GALNT5: variants seen among roughly 807,000 people sequenced by gnomAD.
GALNT5 encodes polypeptide N-acetylgalactosaminyltransferase 5.
In GALNT5, 72 loss-of-function variants were observed where a neutral mutation model predicts 85.4. That is an observed-to-expected ratio of 0.84 (90% CI 0.70 to 1.03). The LOEUF (loss-of-function observed/expected upper bound fraction) is 1.03, where lower values mean the gene tolerates loss of function less well. Among genes scored for constraint, GALNT5 ranks in the 50% least tolerant of loss-of-function variants. The pLI, the probability that GALNT5 is intolerant of heterozygous loss-of-function variation, is 0.00. For missense variants in GALNT5, 1,137 were observed against 1,135.5 expected (o/e 1.00, Z -0.02); for synonymous variants, 404 against 397.0 (o/e 1.02, Z -0.21).
chr2:157,264,091 T>A (rs1052201961), intron 1 of GALNT5, among the ~76,000 whole-genome samples: 7 of 152,144 alleles, frequency 4.6e-5, no homozygotes, highest in African/African-American at 1.7e-4. Context: ...CCATATTTAA[T>A]CTTTTTTTAA....
At chr2:157,304,980 G>A (rs1683422795) in intron 7 of GALNT5, among the ~76,000 whole-genome samples, 1 of 152,124 alleles carries the variant, frequency 6.6e-6, no homozygotes, top group Non-Finnish European at 1.5e-5. Flanking sequence ...CCCAGGACAT[G>A]TCCTATAGAT....
In GALNT5 at chr2:157,296,523, G is replaced by T. The variant is rs1252240658; in HGVS notation, c.1997+10G>T. On this transcript the variant is annotated intron_variant, in intron 5 of 9. Coordinates refer to ENST00000259056, the MANE Select transcript of GALNT5 (RefSeq NM_014568.3). ...AAACTGATACAATAAGGTAAGTGTG[G>T]GAAATTTAAGACTAGAAAGCAGTCA... is the stretch of plus-strand genomic sequence containing the variant. 3 of 1,599,696 alleles carry T rather than the reference G, an allele frequency of 1.9e-6. No individual in the cohort carries two copies. The highest frequency in any genetic ancestry group is 2.6e-6 in the Non-Finnish European group (3 of 1,169,332).
In GALNT5 at chr2:157,313,330, T is replaced by A. The variant is rs1683617940; in HGVS notation, c.*1982T>A. 1 of 152,220 alleles carries A rather than the reference T, an allele frequency of 6.6e-6. No individual in the cohort carries two copies. Among genetic ancestry groups the A allele is most frequent in the Non-Finnish European group, 1.5e-5 (1 of 68,040 alleles). The allele number at this position is 152,220 out of a possible 1,614,324, so 9.4% of individuals were successfully genotyped here. A position where few individuals can be genotyped will look rare whatever the true frequency, so the allele number is the denominator to read the frequency against. ...ACAGGGATTCCATATAGCCTAGGTG[T>A]GTAGTAGGCTACCTACACCATCTAG... is the stretch of plus-strand genomic sequence containing the variant. On this transcript the variant is annotated 3_prime_UTR_variant, in exon 10 of 10. Coordinates refer to ENST00000259056, the MANE Select transcript of GALNT5 (RefSeq NM_014568.3).
chr2:157,258,130 A>G lies in GALNT5; in HGVS notation c.48A>G (p.Ala16=), dbSNP rs1682229085. 6.2e-7 allele frequency: 1 copy of G among 1,614,038 alleles called. No homozygotes were observed. The highest frequency in any genetic ancestry group is 1.1e-5 in the South Asian group (1 of 91,074). Residue 16 remains alanine (A), a synonymous_variant, in exon 1 of 10, where the codon GCA becomes GCG. Transcript: ENST00000259056. The stretch of plus-strand genomic sequence containing the variant: ...TCCGAGGAAGTGGGCGAGTCTTGGC[A>G]TTTATCTTTGTAGCTTCTGTCATCT... ...KFFRGSGRVL[A]FIFVASVIWL...
At chr2:157,272,686 T>C (rs1234977164) in intron 1 of GALNT5, among the ~76,000 whole-genome samples, 1 of 152,200 alleles carries the variant, frequency 6.6e-6, no homozygotes, top group African/African-American at 2.4e-5. Flanking sequence ...GCTGCATTCA[T>C]GTTGCTGCTA....
chr2:157,315,125 T>C lies in GALNT5; in HGVS notation c.*3777T>C, dbSNP rs987150498. Among the ~76,000 whole-genome samples, 22 of 152,094 alleles carry C rather than the reference T, an allele frequency of 1.4e-4. 2 individuals are homozygous for C. Among genetic ancestry groups the C allele is most frequent in the Admixed American group, 9.8e-4 (15 of 15,278 alleles). On this transcript the variant is annotated 3_prime_UTR_variant, in exon 10 of 10. Coordinates refer to ENST00000259056, the MANE Select transcript of GALNT5 (RefSeq NM_014568.3). ...TACCTCAGAAGAAAGCCCCAAAATC[T>C]TGGATTAAAACAAAAAAATGACATT... is the stretch of plus-strand genomic sequence containing the variant.
chr2:157,270,976 C>T (rs902010791), intron 1 of GALNT5, among the ~76,000 whole-genome samples: 9 of 151,952 alleles, frequency 5.9e-5, no homozygotes, highest in Non-Finnish European at 1.3e-4. Context: ...ATTAGCCAGG[C>T]GTGGTGGCAG....
chr2:157,280,508 G>C (rs1415404927), intron 1 of GALNT5, among the ~76,000 whole-genome samples: 1 of 152,214 alleles, frequency 6.6e-6, no homozygotes, highest in Non-Finnish European at 1.5e-5. Context: ...CTTGGTTTTA[G>C]AATTCTGGAC....
At position 157,314,532 on chromosome 2, in the gene GALNT5, C is replaced by G. The variant is rs1331880735; in HGVS notation, c.*3184C>G. 1.3e-5 allele frequency among the ~76,000 whole-genome samples: 2 copies of G among 152,164 alleles called. No homozygotes were observed. The highest frequency in any genetic ancestry group is 3.9e-4 in the East Asian group (2 of 5,194). On this transcript the variant is annotated 3_prime_UTR_variant, in exon 10 of 10. Transcript: ENST00000259056. ...TCACAATGTATTATTAGCTTCGCCA[C>G]ACTAATTTGGAAACATTCTTTTAGA...
rs1387264803 is a variant in GALNT5 at position 157,317,005 on chromosome 2, T to C, written c.*5657T>C. On this transcript the variant is annotated 3_prime_UTR_variant, in exon 10 of 10. Coordinates refer to ENST00000259056, the MANE Select transcript of GALNT5 (RefSeq NM_014568.3). ...TTTTTTCAAAAACAAGAGCTTTCTG[T>C]TTTATTATTGATTGACAGATATTTA... 6.6e-6 allele frequency among the ~76,000 whole-genome samples: 1 copy of C among 151,750 alleles called. No homozygotes were observed. The highest frequency in any genetic ancestry group is 1.5e-5 in the Non-Finnish European group (1 of 67,894).
chr2:157,273,630 CTTTTTTTTTT>C lies in GALNT5; in HGVS notation c.1455-10632_1455-10623del, dbSNP rs35430045. Among the ~76,000 whole-genome samples the C allele has an allele frequency of 1.7e-3, 40 of 23,748 alleles. 1 individual carries two copies. The highest frequency in any genetic ancestry group is 0.024 in the Middle Eastern group (1 of 42). 15.6% of individuals were successfully genotyped at this position (23,748 alleles called of 152,430 possible). ...TTATTTGAAAACAGCATATTTCTTG[CTTTTTTTTTT>C]TTTTTTTTTTTTTTTTTTTGAGACA... On this transcript the variant is annotated intron_variant, in intron 1 of 9. Coordinates refer to ENST00000259056, the MANE Select transcript of GALNT5 (RefSeq NM_014568.3).
chr2:157,275,274 C>G (rs767419700), intron 1 of GALNT5, among the ~76,000 whole-genome samples: 1 of 152,242 alleles, frequency 6.6e-6, no homozygotes, highest in South Asian at 2.1e-4. Flanking sequence ...ATGCCGCCAG[C>G]TTTGTTCTTT....
chr2:157,305,549 A>G, intron 7 of GALNT5, among the ~76,000 whole-genome samples, 200 bp from the exon 8 acceptor site: 1 of 152,372 alleles, frequency 6.6e-6, no homozygotes, highest in East Asian at 1.9e-4. Flanking sequence ...AAATTAACAG[A>G]TTGAAGCTGT....
intron 1 of GALNT5, among the ~76,000 whole-genome samples, chr2:157,282,353 GTTTTC>G (rs1473465968): frequency 1.2e-4 from 19 of 152,136 alleles, no homozygotes; most frequent in African/African-American, 3.9e-4. Context: ...GTTTCTTTGT[GTTTTC>G]TTTTATTTGT....
intron 9 of GALNT5, among the ~76,000 whole-genome samples, chr2:157,310,475 TTAAAA>T (rs1683545953): frequency 6.6e-6 from 1 of 152,194 alleles, no homozygotes. Flanking sequence ...GCAGCAATCT[TTAAAA>T]TAAATTATTA....
At chr2:157,260,331 T>C (rs1414470806) in intron 1 of GALNT5, among the ~76,000 whole-genome samples, 1 of 152,248 alleles carries the variant, frequency 6.6e-6, no homozygotes, top group African/African-American at 2.4e-5. Context: ...GCTCAGAAGT[T>C]ACAACACTTT....
At position 157,259,479 on chromosome 2, in the gene GALNT5, T is replaced by C; in HGVS notation, c.1397T>C (p.Val466Ala). 1 of 1,453,202 alleles carries C rather than the reference T, an allele frequency of 6.9e-7. No homozygotes were observed. The highest frequency in any genetic ancestry group is 9.1e-7 in the Non-Finnish European group (1 of 1,099,860). The allele number at this position is 1,453,202 out of a possible 1,614,324, so 90.0% of individuals were successfully genotyped here. ...AGATGGAAAGAAGGAAACTTCAATG[T>C]CTACCTTAGCGATTTGATCCCAGTG... ...ERRWKEGNFN[V>A]YLSDLIPVDR... Residue 466 changes from valine to alanine, a missense_variant, in exon 1 of 10, where the codon GTC becomes GCC. Val to Ala is a moderately conservative substitution (Grantham distance 64, BLOSUM62 0). Transcript: ENST00000259056.
At chr2:157,265,807 G>A (rs569082356) in intron 1 of GALNT5, among the ~76,000 whole-genome samples, 5 of 152,270 alleles carry the variant, frequency 3.3e-5, no homozygotes, top group South Asian at 4.1e-4. Flanking sequence ...GTTTGCTTTC[G>A]AAATGAAAGG....
rs1210151561 is a variant in GALNT5 at position 157,318,112 on chromosome 2, CTTCT to C, written c.*6767_*6770del. Among the ~76,000 whole-genome samples the C allele has an allele frequency of 5.9e-5, 9 of 152,000 alleles. No homozygotes were observed. Among genetic ancestry groups the C allele is most frequent in the Non-Finnish European group, 1.3e-4 (9 of 67,932 alleles). On this transcript the variant is annotated 3_prime_UTR_variant, in exon 10 of 10. Transcript: ENST00000259056. ...CTTTCTCATACTGTCAAACATATTTCTTCTTTATTATACTCTGGTGCTTTATCCT... is the reference window on the plus strand; with the variant it reads ...CTTTCTCATACTGTCAAACATATTTCTTATTATACTCTGGTGCTTTATCCT...
Sources: gnomAD v4.1 joint callset for allele counts (sites outside exome capture counted in the v4.1 genomes callset) on GRCh38, gnomAD v4.1.1 for gene constraint, MANE v1.5 for transcripts, NCBI Gene and HGNC (gene_info 2026-07-23, HGNC 2026-07-21) for gene names.